CEP164: variants seen among roughly 807,000 people sequenced by gnomAD.
CEP164 encodes the protein centrosomal protein 164.
A neutral mutation model predicts 182.7 loss-of-function variants in CEP164; 162 were observed. The observed-to-expected ratio is 0.89, with a 90% CI of 0.78 to 1.01. The LOEUF is 1.01. Ranked by LOEUF, CEP164 falls within the 50% of genes least tolerant of loss-of-function variation. The pLI is 0.00. For missense variants in CEP164, 1,735 were observed against 1,790.4 expected (o/e 0.97, Z 0.56); for synonymous variants, 661 against 690.0 (o/e 0.96, Z 0.66).
chr11:117,336,858 T>C (rs973648771), intron 2 of CEP164, among the ~76,000 whole-genome samples: 27 of 151,786 alleles, frequency 1.8e-4, no homozygotes, highest in Admixed American at 1.8e-3. Context: ...GCTCTGCAGG[T>C]TGGGGAGGTG....
intron 27 of CEP164, among the ~76,000 whole-genome samples, chr11:117,397,981 A>C (rs2045695290): frequency 6.6e-6 from 1 of 152,214 alleles, no homozygotes; most frequent in African/African-American, 2.4e-5. Context: ...CCAAAAGTCC[A>C]CAGTCCAGAG....
At chr11:117,368,693 G>C (rs1319414335) in intron 8 of CEP164, among the ~76,000 whole-genome samples, 1 of 152,200 alleles carries the variant, frequency 6.6e-6, no homozygotes, top group East Asian at 1.9e-4. Context: ...GGAGTCCTTA[G>C]AACCCCACAG....
intron 8 of CEP164, among the ~76,000 whole-genome samples, chr11:117,365,628 G>A (rs1306341781): frequency 6.6e-6 from 1 of 152,064 alleles, no homozygotes; most frequent in Admixed American, 6.6e-5. Flanking sequence ...CCCCCAGGCT[G>A]TAGTGCAATG....
chr11:117,373,898 G>A (rs895524348), intron 10 of CEP164, 67 bp downstream of exon 10: 40 of 1,393,510 alleles, frequency 2.9e-5, no homozygotes, highest in Non-Finnish European at 3.8e-5. Flanking sequence ...CCAGGGTTAA[G>A]TAATTTGCCT....
intron 8 of CEP164, among the ~76,000 whole-genome samples, chr11:117,367,795 C>T (rs1232275643): frequency 2.0e-5 from 3 of 152,186 alleles, no homozygotes; most frequent in Admixed American, 2.0e-4. Context: ...TTTTCCTGAT[C>T]CTCTCAAAGA....
chr11:117,350,774 G>T (rs1197480828), intron 4 of CEP164, among the ~76,000 whole-genome samples: 2 of 151,488 alleles, frequency 1.3e-5, no homozygotes, highest in African/African-American at 2.4e-5. Flanking sequence ...TCTCCAGTGG[G>T]TTTTTTTCTT....
rs773782390 is a variant in CEP164, at chr11:117,395,733, C to A, written c.3089+11C>A. ...GCAGAAACACTTCAGGTGGCGTGGG[C>A]ACCCTGCACTTAGCCCTGCTGGCTG... On this transcript the variant is annotated intron_variant, in intron 24 of 32. Coordinates refer to ENST00000278935, the MANE Select transcript of CEP164 (RefSeq NM_014956.5). 6.2e-7 allele frequency: 1 copy of A among 1,601,066 alleles called. No individual in the cohort carries two copies. Among genetic ancestry groups the A allele is most frequent in the Admixed American group, 1.7e-5 (1 of 59,182 alleles).
chr11:117,383,433 A>G (rs2043572908), intron 14 of CEP164, among the ~76,000 whole-genome samples: 1 of 152,074 alleles, frequency 6.6e-6, no homozygotes, highest in African/African-American at 2.4e-5. Flanking sequence ...CTCACCCCAG[A>G]TCTTCACTGT....
chr11:117,359,500 T>C lies in CEP164; in HGVS notation c.394-2335T>C, dbSNP rs2040692937. 6 of 985,462 alleles carry C rather than the reference T, an allele frequency of 6.1e-6. No individual in the cohort carries two copies. In the African/African-American group the frequency reaches 7.0e-5, roughly 11 times the overall value. The allele number at this position is 985,462 out of a possible 1,614,324, so 61.0% of individuals were successfully genotyped here. On this transcript the variant is annotated intron_variant, in intron 5 of 32. Transcript: ENST00000278935. ...CCTTACTTTCCTGATGAGCATCTGA[T>C]GCAGAAATGGGCCCTGCTGGGAACC... is the stretch of plus-strand genomic sequence containing the variant.
chr11:117,363,530 C>T, intron 8 of CEP164, 24 bp downstream of exon 8: 1 of 1,534,402 alleles, frequency 6.5e-7, no homozygotes, highest in Non-Finnish European at 9.0e-7. Context: ...TCCCTACAGG[C>T]ACATGTGTCA....
In CEP164 at chr11:117,381,744, C is replaced by T; in HGVS notation, c.1453C>T (p.Pro485Ser). The T allele has an allele frequency of 1.9e-6, 3 of 1,609,696 alleles. No homozygotes were observed. Among genetic ancestry groups the T allele is most frequent in the Non-Finnish European group, 2.5e-6 (3 of 1,178,196 alleles). The part of the protein sequence containing the change: ...LPHEERAQSP[P>S]RSLATEEEPP... ...ACACGAGGAGCGGGCCCAGAGTCCC[C>T]CTCGCAGCCTGGCCACTGAAGAAGA... The change falls in exon 13 of 33, where the codon CCT becomes TCT. Residue 485 changes from proline to serine, a missense_variant. Transcript: ENST00000278935.
rs758286092 is a variant in CEP164, at chr11:117,382,833, G to C, written c.1615G>C (p.Gly539Arg). Reference sequence around the variant, plus strand: ...AAGCCCACCTGCTGCCTGTGAGAAGGGCAAGGAGCAGCATTCCCAGGCCGA... The same window carrying C: ...AAGCCCACCTGCTGCCTGTGAGAAGCGCAAGGAGCAGCATTCCCAGGCCGA... ...APSPPAACEK[G>R]KEQHSQAEEL... is the part of the protein sequence containing the mutation. Residue 539 changes from glycine to arginine, a missense_variant, in exon 14 of 33, where the codon GGC becomes CGC. By Grantham distance (125) the Gly-to-Arg change is moderately radical. Coordinates refer to ENST00000278935, the MANE Select transcript of CEP164 (RefSeq NM_014956.5). The C allele has an allele frequency of 6.2e-7, 1 of 1,614,144 alleles. No homozygotes were observed. Among genetic ancestry groups the C allele is most frequent in the Admixed American group, 1.7e-5 (1 of 60,026 alleles).
rs1303381680 is a variant in CEP164 at position 117,380,594 on chromosome 11, T to G, written c.1318-20T>G. The G allele has an allele frequency of 5.7e-6, 9 of 1,574,776 alleles. No homozygotes were observed. The highest frequency in any genetic ancestry group is 6.9e-6 in the Non-Finnish European group (8 of 1,159,098). On this transcript the variant is annotated intron_variant, in intron 11 of 32. Coordinates refer to ENST00000278935, the MANE Select transcript of CEP164 (RefSeq NM_014956.5). ...ATGCAGTCCCTCCAACACAAACTTT[T>G]TATTGCTTCTCTCCTACAGGCCCAG... is the stretch of plus-strand genomic sequence containing the variant.
At chr11:117,352,427 G>A (rs1251992128) in intron 5 of CEP164, among the ~76,000 whole-genome samples, 2 of 152,144 alleles carry the variant, frequency 1.3e-5, no homozygotes, top group African/African-American at 4.8e-5. Context: ...TTAAAGTGGT[G>A]TGAATTCCTA....
intron 5 of CEP164, among the ~76,000 whole-genome samples, chr11:117,360,731 A>G (rs1480820334): frequency 6.6e-6 from 1 of 152,114 alleles, no homozygotes; most frequent in Non-Finnish European, 1.5e-5. Context: ...TAGTACTAAA[A>G]GGCATATAAG....
At position 117,407,285 on chromosome 11, in the gene CEP164, A is replaced by G. The variant is rs576410986; in HGVS notation, c.3502-640A>G. On this transcript the variant is annotated intron_variant, in intron 27 of 32. Transcript: ENST00000278935. ...TCATTGCTCTGCTTAACCCCTCTCA[A>G]CCATGGTGGTGGTGGTGATGAGAGT... 2.7e-4 allele frequency among the ~76,000 whole-genome samples: 41 copies of G among 151,742 alleles called. 1 individual carries two copies. The highest frequency in any genetic ancestry group is 9.4e-4 in the African/African-American group (39 of 41,320).
In CEP164 at chr11:117,392,638, C is replaced by T; in HGVS notation, c.2493+11C>T. On this transcript the variant is annotated intron_variant, in intron 19 of 32. Coordinates refer to ENST00000278935, the MANE Select transcript of CEP164 (RefSeq NM_014956.5). ...GGGTATGAGCACGAGGTGAGTGCTG[C>T]TCTGTCTTCCACAGTCGTGTGCGCC... 1 of 1,612,914 alleles carries T rather than the reference C, an allele frequency of 6.2e-7. No homozygotes were observed. The highest frequency in any genetic ancestry group is 1.1e-5 in the South Asian group (1 of 90,912).
intron 27 of CEP164, among the ~76,000 whole-genome samples, chr11:117,401,316 C>T (rs929859302): frequency 6.6e-6 from 1 of 152,188 alleles, no homozygotes; most frequent in Non-Finnish European, 1.5e-5. Context: ...TTGAACCAGC[C>T]TTGCATCCCA....
At chr11:117,350,836 T>A (rs956175816) in intron 4 of CEP164, among the ~76,000 whole-genome samples, 1 of 152,186 alleles carries the variant, frequency 6.6e-6, no homozygotes, top group Admixed American at 6.5e-5. Flanking sequence ...TTTTGCACAT[T>A]TTAGGTTTAT....
Sources: gnomAD v4.1 joint callset for allele counts (sites outside exome capture counted in the v4.1 genomes callset) on GRCh38, gnomAD v4.1.1 for gene constraint, MANE v1.5 for transcripts, NCBI Gene and HGNC (gene_info 2026-07-23, HGNC 2026-07-21) for gene names.